HTR1E: variants seen among roughly 807,000 people sequenced by gnomAD.
HTR1E encodes 5-HT-1E.
A neutral mutation model predicts 3.4 loss-of-function variants in HTR1E; 3 were observed. The ratio of observed to expected loss-of-function variants is 0.89; its 90% CI spans 0.41 to 2.31. The LOEUF (loss-of-function observed/expected upper bound fraction) is 2.31, where lower values mean the gene tolerates loss of function less well. Among genes scored for constraint, HTR1E ranks in the 30% most tolerant of loss-of-function variants. The pLI, the probability that HTR1E is intolerant of heterozygous loss-of-function variation, is 0.05. For synonymous variants in HTR1E, 170 were observed against 182.8 expected, an observed-to-expected ratio of 0.93 and a Z score of 0.56; for missense variants, 392 against 467.0, an observed-to-expected ratio of 0.84 and a Z score of 1.48.
chr6:87,015,424 G>T lies in HTR1E; in HGVS notation c.90G>T (p.Val30=). The T allele has an allele frequency of 1.2e-6, 2 of 1,613,724 alleles. No homozygotes were observed. Among genetic ancestry groups the T allele is most frequent in the Non-Finnish European group, 1.7e-6 (2 of 1,179,786 alleles). The change falls in exon 2 of 2, where the codon GTG becomes GTT. Residue 30 remains valine, a synonymous_variant. Coordinates refer to ENST00000305344, the MANE Select transcript of HTR1E (RefSeq NM_000865.3). ...TEKMLICMTL[V]VITTLTTLLN... Reference sequence around the variant, plus strand: ...AGATGCTCATTTGCATGACTCTGGTGGTCATCACCACCCTCACCACGTTGC... The same window carrying T: ...AGATGCTCATTTGCATGACTCTGGTTGTCATCACCACCCTCACCACGTTGC...
intron 1 of HTR1E, among the ~76,000 whole-genome samples, chr6:86,948,200 A>G (rs1413065075): frequency 1.3e-5 from 2 of 152,196 alleles, no homozygotes; most frequent in African/African-American, 4.8e-5. Flanking sequence ...ATGTCCCTGC[A>G]AAGGACATGA....
At chr6:86,943,766 G>T in intron 1 of HTR1E, among the ~76,000 whole-genome samples, 1 of 152,124 alleles carries the variant, frequency 6.6e-6, no homozygotes, top group Admixed American at 6.5e-5. Context: ...CTATGTCATA[G>T]GGCTATTTAT....
chr6:86,995,694 A>G (rs1582277270), intron 1 of HTR1E, among the ~76,000 whole-genome samples: 2 of 143,414 alleles, frequency 1.4e-5, no homozygotes, highest in African/African-American at 5.0e-5. Context: ...AAAAGAAAAA[A>G]AAAAAAAAAA....
chr6:87,011,028 T>C lies in HTR1E; in HGVS notation c.-185-4122T>C, dbSNP rs142736202. Reference sequence around the variant, plus strand: ...TTGATTCTCTGTGGTTTCTTTAAAGTAGTTATTGGTCTAAGATGCTTAAAC... The same window carrying C: ...TTGATTCTCTGTGGTTTCTTTAAAGCAGTTATTGGTCTAAGATGCTTAAAC... On this transcript the variant is annotated intron_variant, in intron 1 of 1. Coordinates refer to ENST00000305344, the MANE Select transcript of HTR1E (RefSeq NM_000865.3). Among the ~76,000 whole-genome samples the C allele has an allele frequency of 1.0e-3, 155 of 152,364 alleles. 1 individual carries two copies. Among genetic ancestry groups the C allele is most frequent in the Middle Eastern group, 3.4e-3 (1 of 294 alleles).
intron 1 of HTR1E, among the ~76,000 whole-genome samples, chr6:86,941,889 G>A (rs868821416): frequency 2.6e-5 from 4 of 150,982 alleles, no homozygotes; most frequent in Middle Eastern, 3.4e-3. Context: ...AAGGAAGGAA[G>A]GGAAGGAGGG....
intron 1 of HTR1E, among the ~76,000 whole-genome samples, chr6:86,984,527 G>A (rs989231031): frequency 6.6e-6 from 1 of 152,200 alleles, no homozygotes; most frequent in Non-Finnish European, 1.5e-5. Context: ...AAACAGGGAT[G>A]CTGATTTTAA....
At chr6:86,961,846 C>T (rs1369199088) in intron 1 of HTR1E, among the ~76,000 whole-genome samples, 3 of 152,190 alleles carry the variant, frequency 2.0e-5, no homozygotes, top group Non-Finnish European at 4.4e-5. Context: ...AAGATCAGAA[C>T]AGATTTCACA....
chr6:86,957,753 G>A (rs988354985), intron 1 of HTR1E, among the ~76,000 whole-genome samples: 2 of 152,156 alleles, frequency 1.3e-5, no homozygotes, highest in African/African-American at 4.8e-5. Flanking sequence ...GCATGAAAAG[G>A]TTTCAAAGAT....
rs1390488121 is a variant in HTR1E, at chr6:87,015,924, T to C, written c.590T>C (p.Leu197Ser). The C allele has an allele frequency of 1.9e-6, 3 of 1,613,818 alleles. No homozygotes were observed. The highest frequency in any genetic ancestry group is 2.5e-6 in the Non-Finnish European group (3 of 1,179,834). The change falls in exon 2 of 2, where the codon TTG becomes TCG. Residue 197 changes from leucine (L) to serine (S), a missense_variant. By Grantham distance (145) the Leu-to-Ser change is moderately radical (BLOSUM62 -2). Around this residue, in one of 3 missense-constraint regions of HTR1E, gnomAD observed 178 missense variants for 164.9 expected, o/e 1.08. Coordinates refer to ENST00000305344, the MANE Select transcript of HTR1E (RefSeq NM_000865.3). The part of the protein sequence containing the change: ...TLGAFYIPLT[L>S]ILILYYRIYH... ...GGTGCGTTTTATATCCCCTTGACTTTGATACTGATTCTCTATTACCGGATT... is the reference window on the plus strand; with the variant it reads ...GGTGCGTTTTATATCCCCTTGACTTCGATACTGATTCTCTATTACCGGATT...
intron 1 of HTR1E, among the ~76,000 whole-genome samples, chr6:86,985,918 T>C (rs1562067702): frequency 6.6e-6 from 1 of 152,238 alleles, no homozygotes; most frequent in Non-Finnish European, 1.5e-5. Context: ...CAGGTCAAGA[T>C]GGGAGGCATG....
intron 1 of HTR1E, among the ~76,000 whole-genome samples, chr6:86,945,162 G>C (rs1274412713): frequency 6.6e-6 from 1 of 152,202 alleles, no homozygotes; most frequent in African/African-American, 2.4e-5. Context: ...CCAACGGACA[G>C]GATGTGTAAA....
chr6:86,969,192 A>G (rs1269225337), intron 1 of HTR1E, among the ~76,000 whole-genome samples: 1 of 152,194 alleles, frequency 6.6e-6, no homozygotes, highest in Non-Finnish European at 1.5e-5. Flanking sequence ...ACTGAATCCA[A>G]GCAGATGTGT....
intron 1 of HTR1E, among the ~76,000 whole-genome samples, chr6:86,965,208 G>C (rs1767456800): frequency 6.6e-6 from 1 of 152,144 alleles, no homozygotes; most frequent in Admixed American, 6.5e-5. Flanking sequence ...CTGCTCCTCT[G>C]ACAGAGCAAG....
At chr6:86,996,664 T>A (rs1286918708) in intron 1 of HTR1E, among the ~76,000 whole-genome samples, 1 of 151,974 alleles carries the variant, frequency 6.6e-6, no homozygotes, top group Non-Finnish European at 1.5e-5. Flanking sequence ...ATGAAATTGA[T>A]CAATACCTCA....
intron 1 of HTR1E, among the ~76,000 whole-genome samples, chr6:86,977,517 A>G (rs941047509): frequency 6.6e-6 from 1 of 152,124 alleles, no homozygotes; most frequent in African/African-American, 2.4e-5. Context: ...TCTTTTTGGT[A>G]TAGTGATCTA....
chr6:86,972,166 T>A (rs1430910465), intron 1 of HTR1E, among the ~76,000 whole-genome samples: 1 of 152,246 alleles, frequency 6.6e-6, no homozygotes, highest in Admixed American at 6.5e-5. Flanking sequence ...AATATTCTCA[T>A]GTTTCAATTG....
At chr6:86,980,312 G>A (rs923324899) in intron 1 of HTR1E, among the ~76,000 whole-genome samples, 26 of 151,652 alleles carry the variant, frequency 1.7e-4, no homozygotes, top group Non-Finnish European at 3.7e-4. Context: ...GTGTGAACCC[G>A]GGAGGCGGAG....
At chr6:86,953,497 A>C (rs1767275634) in intron 1 of HTR1E, among the ~76,000 whole-genome samples, 1 of 152,082 alleles carries the variant, frequency 6.6e-6, no homozygotes, top group African/African-American at 2.4e-5. Context: ...AGTGCAAAGG[A>C]ATCAGTGGTT....
chr6:86,998,197 CT>C (rs1436696322), intron 1 of HTR1E, among the ~76,000 whole-genome samples: 1 of 151,938 alleles, frequency 6.6e-6, no homozygotes, highest in Non-Finnish European at 1.5e-5. Flanking sequence ...TGACAAAACA[CT>C]GATAGATGTA....
Sources: allele counts gnomAD v4.1 joint callset (sites outside exome capture counted in the v4.1 genomes callset), GRCh38; gene constraint gnomAD v4.1.1; regional missense constraint gnomAD v4.1.1; transcripts MANE v1.5; gene names NCBI Gene and HGNC (gene_info 2026-07-23, HGNC 2026-07-21).